Variants in KLF17 observed in about 807,000 individuals in gnomAD.
KLF17 encodes Krueppel-like factor 17.
In KLF17, 31 loss-of-function variants were observed where a neutral mutation model predicts 34.2. The ratio of observed to expected loss-of-function variants is 0.91; its 90% CI spans 0.68 to 1.22. The LOEUF is 1.22. Among genes scored for constraint, KLF17 ranks in the 50% most tolerant of loss-of-function variants. The pLI is 0.00. For missense variants in KLF17, 478 were observed against 505.2 expected (o/e 0.95, Z 0.52); for synonymous variants, 179 against 186.7 (o/e 0.96, Z 0.34).
At chr1:44,069,728 C>A in the KLF17 span, among the ~76,000 whole-genome samples, 1 of 152,150 alleles carries the variant, frequency 6.6e-6, no homozygotes, top group Non-Finnish European at 1.5e-5. This position sits in a 1 kb window ranked among gnomAD's most constrained non-coding sequence, Gnocchi z 4.7. Context: ...CTAGTCCTAA[C>A]TTTGGGGGAT....
At chr1:44,121,451 T>C (rs971203987) in intron 1 of KLF17, among the ~76,000 whole-genome samples, 1 of 152,214 alleles carries the variant, frequency 6.6e-6, no homozygotes, top group African/African-American at 2.4e-5. Flanking sequence ...GCAAGCCTTA[T>C]TCAAATGCCC....
At chr1:44,070,590 CTTTTTTTTTTTT>C in the KLF17 span, among the ~76,000 whole-genome samples, 3 of 78,684 alleles carry the variant, frequency 3.8e-5, no homozygotes, top group African/African-American at 9.8e-5. Flanking sequence ...TTTCCCTTGT[CTTTTTTTTTTTT>C]TTTTTTTTTT....
At chr1:44,105,233 G>T in the KLF17 span, 1 of 152,238 alleles carries the variant, frequency 6.6e-6, no homozygotes, top group African/African-American at 2.4e-5. Context: ...GATAGAATGG[G>T]GTGTGTGACC....
upstream of KLF17, among the ~76,000 whole-genome samples, chr1:44,118,546 G>A (rs1316148115): frequency 6.6e-6 from 1 of 150,674 alleles, no homozygotes; most frequent in Non-Finnish European, 1.5e-5. Context: ...CCTGGCTGGA[G>A]TTGGAGACCT....
chr1:44,073,756 C>T, the KLF17 span, among the ~76,000 whole-genome samples: 1 of 152,170 alleles, frequency 6.6e-6, no homozygotes, highest in Non-Finnish European at 1.5e-5. Flanking sequence ...CTTCCTGTTT[C>T]ACTTCCCTCG....
intron 1 of KLF17, among the ~76,000 whole-genome samples, chr1:44,127,631 T>TTCC (rs1215442922): frequency 5.5e-5 from 2 of 36,208 alleles, no homozygotes; most frequent in African/African-American, 1.8e-4. Flanking sequence ...TTTCTTTTCT[T>TTCC]TTCTTTCCTT....
the KLF17 span, among the ~76,000 whole-genome samples, chr1:44,059,010 T>A: frequency 2.6e-5 from 4 of 152,116 alleles, no homozygotes; most frequent in African/African-American, 9.7e-5. Flanking sequence ...TACACATGAA[T>A]GGAAGGGGCC....
At chr1:44,069,989 G>A in the KLF17 span, 1 of 152,054 alleles carries the variant, frequency 6.6e-6, no homozygotes, top group Non-Finnish European at 1.5e-5. The surrounding 1 kb of genome is among the most constrained non-coding windows in gnomAD (Gnocchi z 4.7). Flanking sequence ...GAATCTGGAC[G>A]CCACACCCTC....
At chr1:44,103,276 G>T in the KLF17 span, 2 of 703,588 alleles carry the variant, frequency 2.8e-6, no homozygotes, top group Admixed American at 1.9e-5. Flanking sequence ...GCCGCAGGAG[G>T]GGCAGGCTGG....
chr1:44,098,085 T>G, the KLF17 span, among the ~76,000 whole-genome samples: 1 of 152,092 alleles, frequency 6.6e-6, no homozygotes, highest in Non-Finnish European at 1.5e-5. Flanking sequence ...CTCTCCCACC[T>G]CAGCCTCCTG....
chr1:44,049,756 T>A, the KLF17 span, among the ~76,000 whole-genome samples: 2 of 152,252 alleles, frequency 1.3e-5, no homozygotes, highest in African/African-American at 4.8e-5. Flanking sequence ...GGGTTGGAAT[T>A]ACCAGCGTGA....
chr1:44,109,946 C>A, the KLF17 span, among the ~76,000 whole-genome samples: 1 of 135,966 alleles, frequency 7.4e-6, no homozygotes, highest in Non-Finnish European at 1.5e-5. Context: ...CTCACCCTGT[C>A]ACCCAGGCTG....
chr1:44,056,065 T>C, the KLF17 span, among the ~76,000 whole-genome samples: 8,894 of 152,268 alleles, frequency 0.058, 304 homozygotes, highest in Middle Eastern at 0.12. Flanking sequence ...ATCTAGACTC[T>C]CATGCCGCAT....
At chr1:44,119,836 A>G (rs1411825475) in intron 1 of KLF17, among the ~76,000 whole-genome samples, 1 of 152,228 alleles carries the variant, frequency 6.6e-6, no homozygotes, top group Non-Finnish European at 1.5e-5. Flanking sequence ...TGATGAGTTT[A>G]AACATAATCT....
chr1:44,058,876 C>G, the KLF17 span, among the ~76,000 whole-genome samples: 7 of 151,612 alleles, frequency 4.6e-5, no homozygotes, highest in Admixed American at 2.6e-4. Context: ...CCCTCCAAGC[C>G]TTTTGGAGGC....
the KLF17 span, among the ~76,000 whole-genome samples, chr1:44,099,920 A>G: frequency 1.3e-5 from 1 of 77,950 alleles, no homozygotes; most frequent in Admixed American, 1.4e-4. Flanking sequence ...AAAGAAAGAA[A>G]AGAAAGGGAG....
chr1:44,081,423 T>C, the KLF17 span, among the ~76,000 whole-genome samples: 1 of 151,302 alleles, frequency 6.6e-6, no homozygotes, highest in Non-Finnish European at 1.5e-5. Flanking sequence ...GGTAGTTTTT[T>C]TTTTTTTTCT....
rs1346910450 is a variant in KLF17, at chr1:44,127,656, T to TTC, written c.82-1695_82-1694dup. Among the ~76,000 whole-genome samples, 25 of 39,018 alleles carry TTC rather than the reference T, an allele frequency of 6.4e-4. 1 individual carries two copies. The highest frequency in any genetic ancestry group is 5.5e-4 in the Non-Finnish European group (9 of 16,446). The allele number at this position is 39,018 out of a possible 152,430, so 25.6% of individuals were successfully genotyped here. A position where few individuals can be genotyped will look rare whatever the true frequency, so the allele number is the denominator to read the frequency against. ...TTTCTTTCCTTCTTTCTTTCTTTCT[T>TTC]TCTTTCTTTCTTTCTTTCTTTCTTT... On this transcript the variant is annotated intron_variant, in intron 1 of 3. Coordinates refer to ENST00000372299, the MANE Select transcript of KLF17 (RefSeq NM_173484.4).
At chr1:44,103,875 T>A in the KLF17 span, 1 of 787,534 alleles carries the variant, frequency 1.3e-6, no homozygotes. Context: ...CTTTGTATGC[T>A]GCACGTCATC....
Sources: gnomAD v4.1 joint callset for allele counts (sites outside exome capture counted in the v4.1 genomes callset) on GRCh38, gnomAD v4.1.1 for gene constraint, Gnocchi (gnomAD v3.1) non-coding constraint, MANE v1.5 for transcripts, NCBI Gene and HGNC (gene_info 2026-07-23, HGNC 2026-07-21) for gene names.